SLC6A11: variants seen among roughly 807,000 people sequenced by gnomAD.
SLC6A11 encodes sodium- and chloride-dependent GABA transporter 3.
A neutral mutation model predicts 74.8 loss-of-function variants in SLC6A11; 25 were observed. The ratio of observed to expected loss-of-function variants is 0.33; its 90% CI spans 0.24 to 0.47. The LOEUF (loss-of-function observed/expected upper bound fraction) is 0.47, where lower values mean the gene tolerates loss of function less well. Among genes scored for constraint, SLC6A11 ranks in the 20% least tolerant of loss-of-function variants. The pLI is 1.00. For synonymous variants in SLC6A11, 330 were observed against 330.2 expected (o/e 1.00, Z 0.01); for missense variants, 574 against 837.0 (o/e 0.69, Z 3.88).
At chr3:10,879,817 T>C (rs1694953218) in intron 6 of SLC6A11, among the ~76,000 whole-genome samples, 1 of 152,010 alleles carries the variant, frequency 6.6e-6, no homozygotes, top group Non-Finnish European at 1.5e-5. Flanking sequence ...TGCTCCAAAG[T>C]TTGAAACCTT....
chr3:10,897,924 C>CT (rs773911698), intron 6 of SLC6A11, among the ~76,000 whole-genome samples: 5 of 152,212 alleles, frequency 3.3e-5, no homozygotes, highest in Admixed American at 6.5e-5. Flanking sequence ...TTCCATACAT[C>CT]TTCTGAAATC....
intron 5 of SLC6A11, among the ~76,000 whole-genome samples, chr3:10,865,271 A>T (rs763110073): frequency 6.6e-6 from 1 of 152,232 alleles, no homozygotes. Flanking sequence ...GGAAGGTCTC[A>T]TGGACCGCCA....
At chr3:10,827,699 A>G (rs1294738105) in intron 4 of SLC6A11, among the ~76,000 whole-genome samples, 1 of 152,220 alleles carries the variant, frequency 6.6e-6, no homozygotes, top group Non-Finnish European at 1.5e-5. Flanking sequence ...ATTTAGGGGA[A>G]GTAAAGATGG....
At position 10,915,889 on chromosome 3, in the gene SLC6A11, G is replaced by A. The variant is rs1695447547; in HGVS notation, c.996-2440G>A. Among the ~76,000 whole-genome samples, 1 of 152,184 alleles carries A rather than the reference G, an allele frequency of 6.6e-6. No homozygotes were observed. The highest frequency in any genetic ancestry group is 6.5e-5 in the Admixed American group (1 of 15,270). On this transcript the variant is annotated intron_variant, in intron 7 of 13. Coordinates refer to ENST00000254488, the MANE Select transcript of SLC6A11 (RefSeq NM_014229.3). This position sits in a 1 kb window ranked among gnomAD's most constrained non-coding sequence, Gnocchi z 4.3. ...CCCAGAGACAATTTTTTAAAGTGAG[G>A]ATTTGTTCATCTTAATTTTTAGGGT...
At chr3:10,882,894 G>T (rs1229811989) in intron 6 of SLC6A11, among the ~76,000 whole-genome samples, 1 of 152,196 alleles carries the variant, frequency 6.6e-6, no homozygotes, top group Admixed American at 6.5e-5. Flanking sequence ...GGGCAAGTGT[G>T]CACATGAGGC....
intron 10 of SLC6A11, among the ~76,000 whole-genome samples, chr3:10,931,225 G>A (rs1807318): frequency 0.4 from 60,269 of 152,058 alleles, 12,621 homozygotes; most frequent in African/African-American, 0.49. Context: ...GTTTCCCCAT[G>A]TGAACAGTGG....
At chr3:10,910,269 G>A (rs755081694) in intron 6 of SLC6A11, among the ~76,000 whole-genome samples, 57 of 152,172 alleles carry the variant, frequency 3.7e-4, no homozygotes, top group Non-Finnish European at 6.5e-4. Context: ...GCAGACCCAC[G>A]ATAGAATGAC....
chr3:10,873,250 G>A (rs865914731), intron 5 of SLC6A11, among the ~76,000 whole-genome samples: 42 of 152,224 alleles, frequency 2.8e-4, no homozygotes, highest in Admixed American at 2.2e-3. Context: ...AGGGTCTCTC[G>A]GGTTCATTGG....
At chr3:10,909,515 G>A (rs1474236000) in intron 6 of SLC6A11, among the ~76,000 whole-genome samples, 2 of 152,140 alleles carry the variant, frequency 1.3e-5, no homozygotes, top group East Asian at 1.9e-4. Flanking sequence ...ACTGAGTGAC[G>A]GGGTTCAGTC....
rs189243600 is a variant in SLC6A11, at chr3:10,837,089, C to T, written c.624-7125C>T. Among the ~76,000 whole-genome samples the T allele has an allele frequency of 6.6e-5, 10 of 152,138 alleles. No homozygotes were observed. The East Asian group carries it at 1.7e-3, about 26-fold the overall frequency. On this transcript the variant is annotated intron_variant, in intron 4 of 13. Coordinates refer to ENST00000254488, the MANE Select transcript of SLC6A11 (RefSeq NM_014229.3). ...AGCCTGGGTGGCAGGAGGGGCTGGC[C>T]CTGGGGTTGGGGTGGGGACCAAGGA...
At chr3:10,873,965 ATG>A (rs879848074) in intron 5 of SLC6A11, among the ~76,000 whole-genome samples, 4,722 of 141,748 alleles carry the variant, frequency 0.033, 128 homozygotes, top group East Asian at 0.11. Flanking sequence ...ATGCTACGCT[ATG>A]CTATGCTACG....
At chr3:10,848,206 G>A (rs1694528710) in intron 5 of SLC6A11, among the ~76,000 whole-genome samples, 1 of 152,208 alleles carries the variant, frequency 6.6e-6, no homozygotes, top group Non-Finnish European at 1.5e-5. Context: ...CTGTAGACCT[G>A]GCCTTTCATC....
chr3:10,883,331 A>T (rs1417863612), intron 6 of SLC6A11, among the ~76,000 whole-genome samples: 3 of 151,992 alleles, frequency 2.0e-5, no homozygotes, highest in African/African-American at 7.3e-5. Context: ...AGCTGAGGGG[A>T]TCTTGCAAGA....
At chr3:10,861,177 G>T (rs4684739) in intron 5 of SLC6A11, among the ~76,000 whole-genome samples, 49,374 of 152,034 alleles carry the variant, frequency 0.32, 8,320 homozygotes, top group South Asian at 0.52. Flanking sequence ...CAGATGCTAA[G>T]TGAAGGTGAT....
chr3:10,913,209 A>G (rs775752045), intron 7 of SLC6A11, among the ~76,000 whole-genome samples: 21 of 152,164 alleles, frequency 1.4e-4, no homozygotes, highest in Non-Finnish European at 2.4e-4. Context: ...AAACCACCCT[A>G]TAAGTAGGAA....
At chr3:10,869,226 G>A (rs1285098583) in intron 5 of SLC6A11, among the ~76,000 whole-genome samples, 1 of 152,212 alleles carries the variant, frequency 6.6e-6, no homozygotes, top group Non-Finnish European at 1.5e-5. Flanking sequence ...TTTAGGTGCT[G>A]GGAGGATGCG....
chr3:10,847,127 G>T (rs1694514575), intron 5 of SLC6A11, among the ~76,000 whole-genome samples: 1 of 152,168 alleles, frequency 6.6e-6, no homozygotes. Flanking sequence ...CTCCATTTTA[G>T]AGATGAGGAA....
At chr3:10,937,975 C>T (rs1461825331) in intron 13 of SLC6A11, among the ~76,000 whole-genome samples, 5 of 152,152 alleles carry the variant, frequency 3.3e-5, no homozygotes, top group South Asian at 4.1e-4. Flanking sequence ...TAGCCAGGTG[C>T]GAGGCTAAGC....
rs1200445531 is a variant in SLC6A11, at chr3:10,872,124, T to G, written c.757-2837T>G. On this transcript the variant is annotated intron_variant, in intron 5 of 13. Coordinates refer to ENST00000254488, the MANE Select transcript of SLC6A11 (RefSeq NM_014229.3). ...CATGGCTGTCGTGAGGGTTGCAGAT[T>G]GCATACATAGGTAGCCTGGTGGTTG... Among the ~76,000 whole-genome samples the G allele has an allele frequency of 2.0e-5, 3 of 152,210 alleles. No homozygotes were observed. In the East Asian group the frequency reaches 5.8e-4, roughly 29 times the overall value.
Sources: allele counts gnomAD v4.1 joint callset (sites outside exome capture counted in the v4.1 genomes callset), GRCh38; gene constraint gnomAD v4.1.1; non-coding constraint Gnocchi (gnomAD v3.1); transcripts MANE v1.5; gene names NCBI Gene and HGNC (gene_info 2026-07-23, HGNC 2026-07-21).